KCND2: variants seen among roughly 807,000 people sequenced by gnomAD.
The protein encoded by KCND2 is A-type voltage-gated potassium channel KCND2.
In KCND2, 16 loss-of-function variants were observed where a neutral mutation model predicts 54.4. The observed-to-expected ratio is 0.29, with a 90% confidence interval of 0.20 to 0.45. The LOEUF (loss-of-function observed/expected upper bound fraction) is 0.45. Among genes scored for constraint, KCND2 ranks in the 20% least tolerant of loss-of-function variants. KCND2 has a pLI of 1.00. For synonymous variants in KCND2, 317 were observed against 310.7 expected, an observed-to-expected ratio of 1.02 and a Z score of -0.21; for missense variants, 486 against 824.2, an observed-to-expected ratio of 0.59 and a Z score of 5.02.
intron 1 of KCND2, among the ~76,000 whole-genome samples, chr7:120,608,822 C>T (rs868310739): frequency 1.3e-5 from 2 of 152,038 alleles, no homozygotes; most frequent in Non-Finnish European, 2.9e-5. Flanking sequence ...TGATGTTGCA[C>T]GATAGATCTG....
intron 1 of KCND2, among the ~76,000 whole-genome samples, chr7:120,330,736 A>G (rs1026326224): frequency 6.6e-6 from 1 of 152,100 alleles, no homozygotes; most frequent in Admixed American, 6.6e-5. Flanking sequence ...ATGGATGGGT[A>G]CCATTTTAGA....
At chr7:120,602,217 A>G (rs946906698) in intron 1 of KCND2, among the ~76,000 whole-genome samples, 3 of 152,224 alleles carry the variant, frequency 2.0e-5, no homozygotes, top group African/African-American at 7.2e-5. Context: ...TAGAGAATTC[A>G]TGAGTATTAA....
intron 1 of KCND2, among the ~76,000 whole-genome samples, chr7:120,700,836 C>T (rs1419186952): frequency 6.6e-6 from 1 of 152,056 alleles, no homozygotes; most frequent in Non-Finnish European, 1.5e-5. Context: ...TAAAAAATGT[C>T]TGTAGAATCC....
At chr7:120,310,192 A>T (rs894150461) in intron 1 of KCND2, among the ~76,000 whole-genome samples, 2 of 152,208 alleles carry the variant, frequency 1.3e-5, no homozygotes, top group Non-Finnish European at 2.9e-5. Flanking sequence ...TGTTAATTTT[A>T]TAATGAAATG....
intron 1 of KCND2, among the ~76,000 whole-genome samples, chr7:120,646,492 T>C (rs1270970895): frequency 1.3e-5 from 2 of 152,256 alleles, no homozygotes; most frequent in Non-Finnish European, 2.9e-5. Flanking sequence ...GTGATTTTTT[T>C]CTGTCAACTC....
intron 1 of KCND2, among the ~76,000 whole-genome samples, chr7:120,316,432 G>A (rs1799813376): frequency 6.6e-6 from 1 of 152,064 alleles, no homozygotes; most frequent in Admixed American, 6.6e-5. Context: ...TAACTACCTT[G>A]AACTTACATT....
intron 1 of KCND2, among the ~76,000 whole-genome samples, chr7:120,276,692 A>G (rs769157109): frequency 2.0e-4 from 31 of 152,156 alleles, no homozygotes; most frequent in Non-Finnish European, 4.0e-4. Flanking sequence ...TGTTTTTAAT[A>G]TACTTTTAGG....
At chr7:120,446,452 T>C (rs1011718713) in intron 1 of KCND2, among the ~76,000 whole-genome samples, 1 of 152,138 alleles carries the variant, frequency 6.6e-6, no homozygotes, top group Middle Eastern at 3.2e-3. Context: ...TCCATTTGAA[T>C]CTACTTGAAT....
intron 1 of KCND2, among the ~76,000 whole-genome samples, chr7:120,412,864 A>G (rs910227890): frequency 6.6e-6 from 1 of 152,072 alleles, no homozygotes; most frequent in African/African-American, 2.4e-5. Context: ...AGGCCACGCT[A>G]AAGCAGCAGC....
At chr7:120,548,806 T>C (rs1417551631) in intron 1 of KCND2, among the ~76,000 whole-genome samples, 1 of 152,066 alleles carries the variant, frequency 6.6e-6, no homozygotes, top group Non-Finnish European at 1.5e-5. Flanking sequence ...GGAATTGTTA[T>C]TGGTGGCGTA....
chr7:120,299,354 C>T (rs1799555143), intron 1 of KCND2, among the ~76,000 whole-genome samples: 1 of 151,886 alleles, frequency 6.6e-6, no homozygotes, highest in Non-Finnish European at 1.5e-5. Flanking sequence ...TTATTGTTAC[C>T]AGATTTTCAC....
At chr7:120,476,744 C>G (rs1259820373) in intron 1 of KCND2, among the ~76,000 whole-genome samples, 1 of 152,056 alleles carries the variant, frequency 6.6e-6, no homozygotes, top group Non-Finnish European at 1.5e-5. Context: ...CTCTCTCTTT[C>G]CAAAAGAGAT....
chr7:120,569,301 G>T (rs1388786798), intron 1 of KCND2, among the ~76,000 whole-genome samples: 1 of 151,938 alleles, frequency 6.6e-6, no homozygotes, highest in Non-Finnish European at 1.5e-5. Flanking sequence ...ACCTTCCACT[G>T]GAGTATTACT....
At chr7:120,279,266 A>G (rs1419455259) in intron 1 of KCND2, among the ~76,000 whole-genome samples, 1 of 151,962 alleles carries the variant, frequency 6.6e-6, no homozygotes, top group Non-Finnish European at 1.5e-5. Context: ...TGGCACATTA[A>G]ATAATTGAAG....
intron 1 of KCND2, among the ~76,000 whole-genome samples, chr7:120,400,995 A>G (rs1000968576): frequency 1.3e-5 from 2 of 151,984 alleles, no homozygotes; most frequent in Non-Finnish European, 2.9e-5. Flanking sequence ...TAAAGTGACC[A>G]TGGGGCACTC....
intron 1 of KCND2, among the ~76,000 whole-genome samples, chr7:120,535,502 G>A (rs976277646): frequency 6.6e-6 from 1 of 152,024 alleles, no homozygotes; most frequent in African/African-American, 2.4e-5. Flanking sequence ...AAATTTTTAT[G>A]TTTATAAAGG....
At chr7:120,332,513 G>C (rs772627199) in intron 1 of KCND2, among the ~76,000 whole-genome samples, 1 of 152,078 alleles carries the variant, frequency 6.6e-6, no homozygotes, top group Non-Finnish European at 1.5e-5. Context: ...AATGCAGTTA[G>C]ATTTTCATTT....
intron 1 of KCND2, among the ~76,000 whole-genome samples, chr7:120,598,279 C>A (rs1792772065): frequency 6.6e-6 from 1 of 151,946 alleles, no homozygotes; most frequent in South Asian, 2.1e-4. Flanking sequence ...AAGGTAGTTC[C>A]TTTTACTATT....
chr7:120,535,399 A>G (rs188025492), intron 1 of KCND2, among the ~76,000 whole-genome samples: 38 of 152,284 alleles, frequency 2.5e-4, no homozygotes, highest in African/African-American at 8.7e-4. Context: ...CCCTTATTTA[A>G]TAGGTGTTTC....
Sources: gnomAD v4.1 joint callset for allele counts (sites outside exome capture counted in the v4.1 genomes callset) on GRCh38, gnomAD v4.1.1 for gene constraint, MANE v1.5 for transcripts, NCBI Gene and HGNC (gene_info 2026-07-23, HGNC 2026-07-21) for gene names.